The following HPSE2 variants were observed in gnomAD, a reference collection of about 807,000 sequenced individuals.
HPSE2 encodes the protein inactive heparanase-2.
Under a neutral mutation model 60.5 loss-of-function variants are expected in HPSE2, and 38 were observed. The ratio of observed to expected loss-of-function variants is 0.63; its 90% CI spans 0.48 to 0.82. HPSE2 has a LOEUF of 0.82. Ranked by LOEUF, HPSE2 falls within the 40% of genes least tolerant of loss-of-function variation. HPSE2 has a pLI of 0.00. For missense variants in HPSE2, 713 were observed against 740.4 expected, an observed-to-expected ratio of 0.96 and a Z score of 0.43; for synonymous variants, 295 against 293.2, an observed-to-expected ratio of 1.01 and a Z score of -0.06.
At chr10:98,517,883 G>A (rs1356632829) in intron 9 of HPSE2, among the ~76,000 whole-genome samples, 2 of 152,234 alleles carry the variant, frequency 1.3e-5, no homozygotes, top group Non-Finnish European at 2.9e-5. Flanking sequence ...TGAATGAGAT[G>A]AAGCCAAGAG....
At chr10:98,856,321 T>C (rs1952314003) in intron 3 of HPSE2, among the ~76,000 whole-genome samples, 1 of 152,190 alleles carries the variant, frequency 6.6e-6, no homozygotes, top group Non-Finnish European at 1.5e-5. Context: ...ATAATTAACA[T>C]GTTAAGAGTT....
At chr10:98,655,318 A>G (rs967844117) in intron 6 of HPSE2, among the ~76,000 whole-genome samples, 3 of 151,850 alleles carry the variant, frequency 2.0e-5, no homozygotes, top group African/African-American at 7.3e-5. Context: ...CCTTTTTTGG[A>G]TCCCACAAAA....
chr10:98,574,499 A>G (rs1173065183), intron 9 of HPSE2, among the ~76,000 whole-genome samples: 1 of 152,232 alleles, frequency 6.6e-6, no homozygotes, highest in African/African-American at 2.4e-5. Context: ...AAAGAGAAGC[A>G]GGAGCTTTCC....
intron 3 of HPSE2, among the ~76,000 whole-genome samples, chr10:99,060,913 TAG>T (rs1231887569): frequency 6.6e-6 from 1 of 151,922 alleles, no homozygotes; most frequent in Admixed American, 6.6e-5. Flanking sequence ...TTCATGGAGA[TAG>T]AGAGTAGAAT....
intron 2 of HPSE2, among the ~76,000 whole-genome samples, chr10:99,179,053 T>C (rs1847650753): frequency 6.6e-6 from 1 of 152,142 alleles, no homozygotes; most frequent in African/African-American, 2.4e-5. Flanking sequence ...GAAAAAGCCT[T>C]CGACAAAATT....
At chr10:98,483,088 A>G (rs1591248306) in intron 10 of HPSE2, among the ~76,000 whole-genome samples, 1 of 152,220 alleles carries the variant, frequency 6.6e-6, no homozygotes, top group Admixed American at 6.5e-5. Context: ...TGATTGCAAA[A>G]AAGGAAAAAT....
At chr10:98,903,108 T>G (rs997457870) in intron 3 of HPSE2, among the ~76,000 whole-genome samples, 4 of 152,116 alleles carry the variant, frequency 2.6e-5, no homozygotes, top group Non-Finnish European at 4.4e-5. Context: ...AGCAAGTACT[T>G]TTACAAGCAA....
At position 99,076,639 on chromosome 10, in the gene HPSE2, C is replaced by T. The variant is rs567727582; in HGVS notation, c.610+67599G>A. ...CTGGTCTCAGGTGATCTGTCTGCCTCGGCTTCCCAAAGTACTGGGATTACA... is the reference window on the plus strand; with the variant it reads ...CTGGTCTCAGGTGATCTGTCTGCCTTGGCTTCCCAAAGTACTGGGATTACA... On this transcript the variant is annotated intron_variant, in intron 3 of 11. Transcript: ENST00000370552. Among the ~76,000 whole-genome samples, 186 of 152,250 alleles carry T rather than the reference C, an allele frequency of 1.2e-3. 1 individual carries two copies. The South Asian group carries it at 0.036, about 30-fold the overall frequency.
chr10:98,715,281 A>G, intron 5 of HPSE2, among the ~76,000 whole-genome samples: 1 of 152,006 alleles, frequency 6.6e-6, no homozygotes, highest in East Asian at 1.9e-4. Context: ...AGAAAATTTC[A>G]GCAAGAATAT....
chr10:98,872,323 T>C (rs1333350508), intron 3 of HPSE2, among the ~76,000 whole-genome samples: 1 of 152,094 alleles, frequency 6.6e-6, no homozygotes, highest in African/African-American at 2.4e-5. Context: ...GTTGTAGAGA[T>C]TATTAGGTCA....
chr10:98,753,594 G>A (rs773805397), intron 3 of HPSE2, among the ~76,000 whole-genome samples: 4 of 152,190 alleles, frequency 2.6e-5, no homozygotes, highest in Non-Finnish European at 5.9e-5. Flanking sequence ...ACTTTTGCTG[G>A]CACCTTCCAT....
At position 98,562,714 on chromosome 10, in the gene HPSE2, C is replaced by CA. The variant is rs34420790; in HGVS notation, c.1320+52189dup. Among the ~76,000 whole-genome samples, 169 of 88,850 alleles carry CA rather than the reference C, an allele frequency of 1.9e-3. 1 individual carries two copies. The highest frequency in any genetic ancestry group is 3.8e-3 in the African/African-American group (95 of 25,018). The allele number at this position is 88,850 out of a possible 152,430, so 58.3% of individuals were successfully genotyped here. A position where few individuals can be genotyped will look rare whatever the true frequency, so the allele number is the denominator to read the frequency against. ...TGGCGAACAGAGTGAGACTCTGTCT[C>CA]AAAAAAAAAAAAAAAAAAAAAATCT... is the stretch of plus-strand genomic sequence containing the variant. On this transcript the variant is annotated intron_variant, in intron 9 of 11. Transcript: ENST00000370552.
At chr10:98,472,487 T>TA (rs1940818994) in intron 11 of HPSE2, among the ~76,000 whole-genome samples, 1 of 152,208 alleles carries the variant, frequency 6.6e-6, no homozygotes, top group African/African-American at 2.4e-5. Context: ...AGGTCAAAGA[T>TA]GTCTGATTCT....
chr10:98,586,367 C>G (rs752072156), intron 9 of HPSE2, among the ~76,000 whole-genome samples: 1 of 152,142 alleles, frequency 6.6e-6, no homozygotes, highest in Non-Finnish European at 1.5e-5. Flanking sequence ...TTCTTTTCAG[C>G]CAGGCATTCT....
At chr10:98,798,659 C>T (rs1172535618) in intron 3 of HPSE2, among the ~76,000 whole-genome samples, 1 of 152,152 alleles carries the variant, frequency 6.6e-6, no homozygotes, top group Non-Finnish European at 1.5e-5. Context: ...AAGTTGTCAT[C>T]AGTTTTAAAT....
intron 3 of HPSE2, among the ~76,000 whole-genome samples, chr10:98,951,633 A>G (rs1221262119): frequency 1.3e-5 from 2 of 152,160 alleles, no homozygotes; most frequent in Non-Finnish European, 2.9e-5. Context: ...TTACTGGAAA[A>G]TGGGAATTCT....
chr10:98,981,918 C>A (rs952677432), intron 3 of HPSE2, among the ~76,000 whole-genome samples: 4 of 152,118 alleles, frequency 2.6e-5, no homozygotes, highest in African/African-American at 9.7e-5. Context: ...AGTCTTGGAA[C>A]AATGCAATAC....
intron 3 of HPSE2, among the ~76,000 whole-genome samples, chr10:98,758,925 G>A (rs1003628756): frequency 6.6e-6 from 1 of 152,146 alleles, no homozygotes; most frequent in African/African-American, 2.4e-5. Context: ...GTGAAGACAT[G>A]GAATCAACCT....
At chr10:98,479,489 G>A (rs1941151049) in intron 11 of HPSE2, among the ~76,000 whole-genome samples, 1 of 152,204 alleles carries the variant, frequency 6.6e-6, no homozygotes, top group South Asian at 2.1e-4. Flanking sequence ...CTTCCTGTGA[G>A]ACCCCCATCG....
Sources: allele counts gnomAD v4.1 joint callset (sites outside exome capture counted in the v4.1 genomes callset), GRCh38; gene constraint gnomAD v4.1.1; transcripts MANE v1.5; gene names NCBI Gene and HGNC (gene_info 2026-07-23, HGNC 2026-07-21).